The following DGKG variants were observed in gnomAD, a reference collection of about 807,000 sequenced individuals.
DGKG encodes the protein DAG kinase gamma.
A neutral mutation model predicts 105.3 loss-of-function variants in DGKG; 78 were observed. The ratio of observed to expected loss-of-function variants is 0.74; its 90% CI spans 0.62 to 0.89. The LOEUF is 0.89. DGKG is among the 40% of genes least tolerant of loss of function. The pLI is 0.00. For missense variants in DGKG, 958 were observed against 1,020.1 expected (o/e 0.94, Z 0.83); for synonymous variants, 346 against 367.1 (o/e 0.94, Z 0.66).
chr3:186,193,913 C>T (rs2108505105), intron 21 of DGKG, among the ~76,000 whole-genome samples: 1 of 152,350 alleles, frequency 6.6e-6, no homozygotes, highest in Admixed American at 6.5e-5. Flanking sequence ...CTGCGCTGGG[C>T]GGAACCAGGG....
intron 21 of DGKG, among the ~76,000 whole-genome samples, chr3:186,209,099 T>C (rs1718899786): frequency 6.9e-6 from 1 of 145,808 alleles, no homozygotes; most frequent in Non-Finnish European, 1.5e-5. Context: ...TCTTCTTTTT[T>C]TTTTTTTTTT....
chr3:186,329,346 T>G (rs1725494246), intron 1 of DGKG, among the ~76,000 whole-genome samples: 1 of 152,174 alleles, frequency 6.6e-6, no homozygotes, highest in African/African-American at 2.4e-5. Context: ...CTGGATCAAA[T>G]TCTATTTGTT....
At position 186,173,230 on chromosome 3, in the gene DGKG, C is replaced by T. The variant is rs74334320; in HGVS notation, c.2096-8212G>A. ...GTGCTGGGGGTTAGGGCTTCTTTGA[C>T]GCACGAATTTTTGGGGGACACAATT... On this transcript the variant is annotated intron_variant, in intron 22 of 24. Coordinates refer to ENST00000265022, the MANE Select transcript of DGKG (RefSeq NM_001346.3). Among the ~76,000 whole-genome samples, 248 of 152,288 alleles carry T rather than the reference C, an allele frequency of 1.6e-3. 2 individuals carry two copies. The highest frequency in any genetic ancestry group is 3.4e-3 in the Middle Eastern group (1 of 294).
intron 5 of DGKG, among the ~76,000 whole-genome samples, chr3:186,292,931 T>C (rs1011553650): frequency 6.6e-6 from 1 of 152,216 alleles, no homozygotes; most frequent in Admixed American, 6.5e-5. Flanking sequence ...ATTGCATTGG[T>C]AAAATTATGG....
chr3:186,256,582 C>T (rs1190063027), intron 17 of DGKG, among the ~76,000 whole-genome samples: 1 of 152,222 alleles, frequency 6.6e-6, no homozygotes, highest in Non-Finnish European at 1.5e-5. Flanking sequence ...TTGCTCAAAA[C>T]CATCCAATGT....
chr3:186,356,546 A>G (rs1289484438), intron 1 of DGKG, among the ~76,000 whole-genome samples: 1 of 152,160 alleles, frequency 6.6e-6, no homozygotes, highest in Non-Finnish European at 1.5e-5. Context: ...TCTTAATTAG[A>G]CCTTAAAGAG....
chr3:186,261,603 G>C (rs1721778810), intron 15 of DGKG, 96 bp downstream of exon 15: 1 of 875,548 alleles, frequency 1.1e-6, no homozygotes, highest in Non-Finnish European at 1.9e-6. Context: ...ATTTGAGTCT[G>C]CCTGTCTCCA....
chr3:186,211,358 T>C (rs1719029292), intron 21 of DGKG, among the ~76,000 whole-genome samples: 1 of 152,196 alleles, frequency 6.6e-6, no homozygotes, highest in Non-Finnish European at 1.5e-5. Flanking sequence ...GCAGGTCAGC[T>C]GGGGGATGTC....
chr3:186,355,031 G>A (rs1049937799), intron 1 of DGKG, among the ~76,000 whole-genome samples: 17 of 151,980 alleles, frequency 1.1e-4, no homozygotes, highest in African/African-American at 3.9e-4. Context: ...TAACATCCCA[G>A]GGTGCTGAGA....
At chr3:186,263,245 C>T (rs1721869912) in intron 14 of DGKG, among the ~76,000 whole-genome samples, 1 of 152,170 alleles carries the variant, frequency 6.6e-6, no homozygotes, top group Non-Finnish European at 1.5e-5. Context: ...TTCCCTTCAT[C>T]ATTGCAACTA....
In DGKG at chr3:186,148,205, A is replaced by G; in HGVS notation, c.*1885T>C. 1.0e-6 allele frequency: 1 copy of G among 985,444 alleles called. No individual in the cohort carries two copies. Among genetic ancestry groups the G allele is most frequent in the African/African-American group, 1.7e-5 (1 of 57,352 alleles). 61.0% of individuals were successfully genotyped at this position (985,444 alleles called of 1,614,324 possible). A position where few individuals can be genotyped will look rare whatever the true frequency, so the allele number is the denominator to read the frequency against. ...AGGATGGTAATGCTGGCACTTGCTGAATGAAGCCCACTGAGCTCTGCTGAG... is the reference window on the plus strand; with the variant it reads ...AGGATGGTAATGCTGGCACTTGCTGGATGAAGCCCACTGAGCTCTGCTGAG... On this transcript the variant is annotated 3_prime_UTR_variant, in exon 25 of 25. Transcript: ENST00000265022.
At position 186,251,875 on chromosome 3, in the gene DGKG, G is replaced by A; in HGVS notation, c.1645C>T (p.Gln549Ter). 1.2e-6 allele frequency: 2 copies of A among 1,603,940 alleles called. No individual in the cohort carries two copies. Among genetic ancestry groups the A allele is most frequent in the Non-Finnish European group, 1.7e-6 (2 of 1,174,174 alleles). The change falls in exon 19 of 25, where the codon CAG becomes TAG. Residue 549 changes from glutamine to a stop codon, truncating the protein, a stop_gained. Transcript: ENST00000265022. LOFTEE classifies it high-confidence loss of function. ...SLTKILKDIE[Q>*]SPLVMLDRWH... ...CGGTCCAGCATCACCAAGGGGCTCT[G>A]CTCAATGTCTTTCAGGATTTTTGTC...
At chr3:186,253,261 T>G (rs1721311366) in intron 17 of DGKG, 79 bp from the exon 18 acceptor site, 1 of 1,175,606 alleles carries the variant, frequency 8.5e-7, no homozygotes, top group African/African-American at 1.5e-5. Context: ...ATCCCTGATC[T>G]GATGCTTGAA....
At chr3:186,359,976 C>CA (rs1727150347) in intron 1 of DGKG, among the ~76,000 whole-genome samples, 2 of 152,158 alleles carry the variant, frequency 1.3e-5, no homozygotes, top group Admixed American at 6.5e-5. Context: ...CCGCCCTTTT[C>CA]CCCCTTCTCT....
Position 186,284,701 on chromosome 3 carries a change from G to A in DGKG, c.553C>T (p.Arg185Cys), listed in dbSNP as rs766010875. The A allele has an allele frequency of 1.6e-5, 26 of 1,613,692 alleles. No homozygotes were observed. Among genetic ancestry groups the A allele is most frequent in the Middle Eastern group, 1.6e-4 (1 of 6,078 alleles). The part of the protein sequence containing the change: ...RPQDKLEFMF[R>C]LYDSDENGLL... Reference sequence around the variant, plus strand: ...CCGTTCTCATCTGAATCATAGAGGCGAAACATGACTGTAAGAAACACAGAG... The same window carrying A: ...CCGTTCTCATCTGAATCATAGAGGCAAAACATGACTGTAAGAAACACAGAG... The change falls in exon 7 of 25, where the codon CGC (arginine) becomes TGC (cysteine). Residue 185 changes from arginine to cysteine, a missense_variant. Arg to Cys is a radical substitution (Grantham distance 180, BLOSUM62 -3). Coordinates refer to ENST00000265022, the MANE Select transcript of DGKG (RefSeq NM_001346.3). The surrounding 1 kb of genome is among the most constrained non-coding windows in gnomAD (Gnocchi z 4.0).
At chr3:186,258,754 C>T (rs187324813) in intron 16 of DGKG, among the ~76,000 whole-genome samples, 9 of 152,236 alleles carry the variant, frequency 5.9e-5, no homozygotes, top group Admixed American at 2.0e-4. Flanking sequence ...TGGTGAAGCT[C>T]ATATATTCTC....
At chr3:186,153,267 AG>A (rs1254494538) in intron 24 of DGKG, among the ~76,000 whole-genome samples, 1 of 152,108 alleles carries the variant, frequency 6.6e-6, no homozygotes, top group Non-Finnish European at 1.5e-5. Flanking sequence ...CCCTCAAATT[AG>A]GGGCTAGCAG....
chr3:186,332,912 C>T (rs776583753), intron 1 of DGKG, among the ~76,000 whole-genome samples: 5 of 151,960 alleles, frequency 3.3e-5, no homozygotes, highest in South Asian at 4.2e-4. Flanking sequence ...GAAGAGGAAG[C>T]GAGATCTGAA....
At chr3:186,263,703 T>C (rs1431996190) in intron 14 of DGKG, among the ~76,000 whole-genome samples, 2 of 151,666 alleles carry the variant, frequency 1.3e-5, no homozygotes, top group South Asian at 2.1e-4. Context: ...AAACATCAAC[T>C]GGATTTAAAA....
Sources: gnomAD v4.1 joint callset for allele counts (sites outside exome capture counted in the v4.1 genomes callset) on GRCh38, gnomAD v4.1.1 for gene constraint, Gnocchi (gnomAD v3.1) non-coding constraint, MANE v1.5 for transcripts, NCBI Gene and HGNC (gene_info 2026-07-23, HGNC 2026-07-21) for gene names.